Variants in TG observed in about 807,000 individuals in gnomAD.
The protein encoded by TG is thyroglobulin.
Under a neutral mutation model 324.7 loss-of-function variants are expected in TG, and 270 were observed. That is an observed-to-expected ratio of 0.83 (90% CI 0.75 to 0.92). The LOEUF (loss-of-function observed/expected upper bound fraction) is 0.92, where lower values mean the gene tolerates loss of function less well. Among genes scored for constraint, TG ranks in the 40% least tolerant of loss-of-function variants. The pLI is 0.00. For synonymous variants in TG, 1,401 were observed against 1,327.0 expected, an observed-to-expected ratio of 1.06 and a Z score of -1.21; for missense variants, 3,591 against 3,456.4, an observed-to-expected ratio of 1.04 and a Z score of -0.98.
chr8:132,882,787 C>T (rs1273837015), intron 7 of TG, 27 bp from the exon 8 acceptor site: 1 of 1,614,032 alleles, frequency 6.2e-7, no homozygotes, highest in Admixed American at 1.7e-5. Flanking sequence ...TTGACACTGT[C>T]TTCTTTACTG....
At chr8:132,887,934 A>G (rs1342152045) in intron 9 of TG, 50 bp from the exon 10 acceptor site, 1 of 1,530,238 alleles carries the variant, frequency 6.5e-7, no homozygotes, top group South Asian at 1.2e-5. Flanking sequence ...TGGTCTTTCC[A>G]GTTTGTTAAA....
At chr8:133,071,737 C>T (rs1185811387) in intron 41 of TG, among the ~76,000 whole-genome samples, 1 of 152,154 alleles carries the variant, frequency 6.6e-6, no homozygotes, top group Admixed American at 6.5e-5. Context: ...ACCGACTGCA[C>T]TGACTACACT....
At chr8:132,964,362 T>C (rs1828225066) in intron 29 of TG, among the ~76,000 whole-genome samples, 1 of 151,988 alleles carries the variant, frequency 6.6e-6, no homozygotes, top group East Asian at 1.9e-4. Flanking sequence ...GTTTTCCCTT[T>C]CTCAGTTGAT....
intron 5 of TG, among the ~76,000 whole-genome samples, chr8:132,877,149 T>C (rs1813929670): frequency 6.6e-6 from 1 of 152,098 alleles, no homozygotes; most frequent in African/African-American, 2.4e-5. Context: ...TTTATTTTAT[T>C]TTATTTTTGA....
At chr8:133,076,012 A>T (rs1844802424) in intron 41 of TG, 1 of 152,194 alleles carries the variant, frequency 6.6e-6, no homozygotes, top group African/African-American at 2.4e-5. Flanking sequence ...TACTTACAGT[A>T]CGTGAGTCTC....
chr8:132,885,134 G>GA (rs1026130938), intron 8 of TG, among the ~76,000 whole-genome samples: 48 of 150,888 alleles, frequency 3.2e-4, no homozygotes, highest in African/African-American at 1.2e-3. Flanking sequence ...AAAGTTGGGG[G>GA]GGGGGCGTGG....
chr8:132,984,697 A>T (rs1267842045), intron 35 of TG, among the ~76,000 whole-genome samples: 1 of 152,148 alleles, frequency 6.6e-6, no homozygotes, highest in Non-Finnish European at 1.5e-5. Context: ...TAATCTCAGC[A>T]CTTTGGGAGG....
At chr8:133,067,033 C>T (rs1460735963) in intron 41 of TG, among the ~76,000 whole-genome samples, 2 of 152,188 alleles carry the variant, frequency 1.3e-5, no homozygotes, top group Non-Finnish European at 2.9e-5. Context: ...CCAGTACCGG[C>T]ACAATTGACT....
At position 133,013,646 on chromosome 8, in the gene TG, A is replaced by C. The variant is rs61740824; in HGVS notation, c.6444A>C (p.Gln2148His). ...GTCTCATCACCACTCTGCAAACCCA[A>C]CCTGGGGCTGTGAGATGTATGTTCT... ...EACLITTLQT[Q>H]PGAVRCMFYA... Residue 2148 changes from glutamine to histidine, a missense_variant, in exon 37 of 48, where the codon CAA (glutamine) becomes CAC (histidine). Physicochemically the swap from Gln to His is conservative, Grantham distance 24 (BLOSUM62 0). Transcript: ENST00000220616. The C allele has an allele frequency of 6.2e-7, 1 of 1,614,204 alleles. No individual in the cohort carries two copies. The highest frequency in any genetic ancestry group is 8.5e-7 in the Non-Finnish European group (1 of 1,180,028).
intron 41 of TG, among the ~76,000 whole-genome samples, chr8:133,046,246 G>C (rs1472007845): frequency 6.6e-6 from 1 of 152,254 alleles, no homozygotes; most frequent in East Asian, 1.9e-4. Context: ...TCTCTGCTGG[G>C]CAGGGCTAAG....
At chr8:132,999,805 A>G (rs569205770) in intron 35 of TG, among the ~76,000 whole-genome samples, 1 of 152,290 alleles carries the variant, frequency 6.6e-6, no homozygotes, top group East Asian at 1.9e-4. Flanking sequence ...CTTCTCAGTG[A>G]GCAGAAGGTC....
intron 18 of TG, 41 bp from the exon 19 acceptor site, chr8:132,911,336 T>G (rs1563944306): frequency 6.2e-7 from 1 of 1,614,180 alleles, no homozygotes; most frequent in Non-Finnish European, 8.5e-7. Flanking sequence ...ACTAGCTTTC[T>G]ACTCTGTGTT....
At chr8:132,990,951 TACC>T (rs1832252258) in intron 35 of TG, among the ~76,000 whole-genome samples, 2 of 150,330 alleles carry the variant, frequency 1.3e-5, no homozygotes, top group Admixed American at 6.6e-5. Flanking sequence ...AAGTTAATTC[TACC>T]AACAGGGGTG....
intron 43 of TG, among the ~76,000 whole-genome samples, chr8:133,111,350 C>T (rs1247014533): frequency 5.3e-5 from 8 of 152,322 alleles, no homozygotes; most frequent in African/African-American, 1.4e-4. Context: ...GGGATAACAT[C>T]GTGCCCAATT....
chr8:133,099,577 A>G (rs549210697), intron 43 of TG, among the ~76,000 whole-genome samples: 5 of 152,180 alleles, frequency 3.3e-5, no homozygotes, highest in Non-Finnish European at 5.9e-5. Context: ...CATGTCTCAT[A>G]GTGTCTCATC....
In TG at chr8:133,039,273, T is replaced by C. The variant is rs574417106; in HGVS notation, c.7239+9250T>C. On this transcript the variant is annotated intron_variant, in intron 41 of 47. Transcript: ENST00000220616. ...ATTATTTTAATTCTGGTTCTTACAT[T>C]TGTGGGCTGTGTGATCTTGGACAAA... Among the ~76,000 whole-genome samples the C allele has an allele frequency of 4.6e-5, 7 of 152,354 alleles. No individual in the cohort carries two copies. The South Asian group carries it at 1.4e-3, about 32-fold the overall frequency.
At chr8:133,051,960 C>A (rs1390811213) in intron 41 of TG, among the ~76,000 whole-genome samples, 1 of 152,234 alleles carries the variant, frequency 6.6e-6, no homozygotes, top group African/African-American at 2.4e-5. Context: ...GAAAAGCAAG[C>A]CCATTCTTGC....
Position 132,941,556 on chromosome 8 carries a change from T to C in TG, c.5233+14T>C. The stretch of plus-strand genomic sequence containing the variant: ...AGGTTCAAGGAGGTAATGTTGGCAG[T>C]GAGGGCCAGGGCCTAACAAGGGATG... On this transcript the variant is annotated intron_variant, in intron 26 of 47. Transcript: ENST00000220616. The C allele has an allele frequency of 6.2e-7, 1 of 1,614,046 alleles. No homozygotes were observed. Among genetic ancestry groups the C allele is most frequent in the Middle Eastern group, 1.7e-4 (1 of 6,046 alleles).
chr8:133,076,483 C>T (rs1325271959), intron 41 of TG, among the ~76,000 whole-genome samples: 1 of 152,158 alleles, frequency 6.6e-6, no homozygotes, highest in East Asian at 1.9e-4. Context: ...TGGGAAGGTA[C>T]AAAGGAACTA....
Sources: gnomAD v4.1 joint callset for allele counts (sites outside exome capture counted in the v4.1 genomes callset) on GRCh38, gnomAD v4.1.1 for gene constraint, MANE v1.5 for transcripts, NCBI Gene and HGNC (gene_info 2026-07-23, HGNC 2026-07-21) for gene names.